STK32B: variants seen among roughly 807,000 people sequenced by gnomAD.
STK32B encodes serine/threonine kinase 32B.
Under a neutral mutation model 52.6 loss-of-function variants are expected in STK32B, and 43 were observed. The observed-to-expected ratio is 0.82, with a 90% confidence interval of 0.64 to 1.05. The LOEUF is 1.05. STK32B is among the 50% of genes least tolerant of loss of function. STK32B has a pLI of 0.00. For missense variants in STK32B, 621 were observed against 534.6 expected (o/e 1.16, Z -1.59); for synonymous variants, 238 against 204.3 (o/e 1.17, Z -1.41).
intron 3 of STK32B, among the ~76,000 whole-genome samples, chr4:5,170,416 G>A (rs187311817): frequency 7.0e-4 from 107 of 152,034 alleles, no homozygotes; most frequent in Admixed American, 1.8e-3. Context: ...CCATTAACTC[G>A]TCATTTAACA....
chr4:5,472,213 G>A (rs1463956248), intron 11 of STK32B, among the ~76,000 whole-genome samples: 1 of 152,214 alleles, frequency 6.6e-6, no homozygotes, highest in Non-Finnish European at 1.5e-5. Flanking sequence ...TTCAGGACTC[G>A]TGTCCTCAGG....
intron 1 of STK32B, among the ~76,000 whole-genome samples, chr4:5,108,428 TA>T (rs1008640821): frequency 6.6e-6 from 1 of 152,220 alleles, no homozygotes; most frequent in African/African-American, 2.4e-5. Context: ...CGCTGTTAAA[TA>T]GTTTTCTAAA....
intron 4 of STK32B, among the ~76,000 whole-genome samples, chr4:5,360,052 C>A (rs1197496180): frequency 1.3e-5 from 2 of 152,116 alleles, no homozygotes. Context: ...AGTGAAGCAG[C>A]CTTTCTACCT....
intron 3 of STK32B, among the ~76,000 whole-genome samples, chr4:5,224,014 C>G (rs1723706368): frequency 6.6e-6 from 1 of 152,124 alleles, no homozygotes; most frequent in African/African-American, 2.4e-5. Context: ...TTCACAGGCT[C>G]ACAGCCAGAG....
chr4:5,442,845 A>T lies in STK32B; in HGVS notation c.563-3828A>T, dbSNP rs914962268. 1.2e-4 allele frequency among the ~76,000 whole-genome samples: 19 copies of T among 152,032 alleles called. 1 individual carries two copies. Among genetic ancestry groups the T allele is most frequent in the Non-Finnish European group, 2.4e-4 (16 of 68,032 alleles). ...CATTTGCTTGTCTGTAAAGGATTTT[A>T]TTTCTCCTTCACTGATGAAGCTTAG... On this transcript the variant is annotated intron_variant, in intron 6 of 11. Coordinates refer to ENST00000282908, the MANE Select transcript of STK32B (RefSeq NM_018401.3).
At chr4:5,368,193 A>G (rs1734999043) in intron 4 of STK32B, among the ~76,000 whole-genome samples, 1 of 152,216 alleles carries the variant, frequency 6.6e-6, no homozygotes, top group Non-Finnish European at 1.5e-5. Flanking sequence ...CCCAATAGTA[A>G]TCACAATGGC....
At chr4:5,478,913 T>A (rs1342546822) in intron 11 of STK32B, among the ~76,000 whole-genome samples, 2 of 152,118 alleles carry the variant, frequency 1.3e-5, no homozygotes, top group African/African-American at 4.8e-5. Context: ...TGATTTCTGC[T>A]GGGGCTTCCC....
At chr4:5,336,288 A>G (rs937765171) in intron 4 of STK32B, among the ~76,000 whole-genome samples, 5 of 151,852 alleles carry the variant, frequency 3.3e-5, no homozygotes, top group African/African-American at 1.2e-4. Context: ...AGATTGTGCC[A>G]TCAAAGGTTT....
chr4:5,437,775 G>C lies in STK32B; in HGVS notation c.563-8898G>C, dbSNP rs150292521. On this transcript the variant is annotated intron_variant, in intron 6 of 11. Transcript: ENST00000282908. ...TTAACATGGCACCTGACAAATCACG[G>C]TTGCTATTGTTCAGATATGTGGTTC... is the stretch of plus-strand genomic sequence containing the variant. 33 of 303,938 alleles carry C rather than the reference G, an allele frequency of 1.1e-4. 1 individual carries two copies. In the East Asian group the frequency reaches 5.7e-3, roughly 53 times the overall value. The allele number at this position is 303,938 out of a possible 1,614,324, so 18.8% of individuals were successfully genotyped here.
chr4:5,363,871 G>A (rs774848196), intron 4 of STK32B, among the ~76,000 whole-genome samples: 135 of 151,982 alleles, frequency 8.9e-4, no homozygotes, highest in Non-Finnish European at 5.3e-4. Flanking sequence ...AATAATCTTA[G>A]TTACCGAGAA....
intron 2 of STK32B, among the ~76,000 whole-genome samples, chr4:5,149,693 T>C (rs1311064094): frequency 6.6e-6 from 1 of 151,846 alleles, no homozygotes; most frequent in Non-Finnish European, 1.5e-5. Context: ...AAATCTCTAA[T>C]ACAATGTTAT....
At position 5,469,112 on chromosome 4, in the gene STK32B, G is replaced by A. The variant is rs1214158152; in HGVS notation, c.1106+1042G>A. 2.0e-5 allele frequency among the ~76,000 whole-genome samples: 3 copies of A among 152,124 alleles called. No homozygotes were observed. Among genetic ancestry groups the A allele is most frequent in the Non-Finnish European group, 4.4e-5 (3 of 68,028 alleles). ...CTGTGGCTGACTTGTCAGAGCTGGG[G>A]CTCCAGCAGGGGCAGCCGATGAGCC... is the stretch of plus-strand genomic sequence containing the variant. On this transcript the variant is annotated intron_variant, in intron 11 of 11. Coordinates refer to ENST00000282908, the MANE Select transcript of STK32B (RefSeq NM_018401.3). This position sits in a 1 kb window ranked among gnomAD's most constrained non-coding sequence, Gnocchi z 4.7.
At chr4:5,230,838 G>C (rs1463825405) in intron 3 of STK32B, among the ~76,000 whole-genome samples, 4 of 152,210 alleles carry the variant, frequency 2.6e-5, no homozygotes, top group African/African-American at 9.6e-5. Flanking sequence ...ACAAGAGGGG[G>C]TAAGAGAGAA....
chr4:5,226,763 A>G (rs1723901037), intron 3 of STK32B, among the ~76,000 whole-genome samples: 1 of 152,240 alleles, frequency 6.6e-6, no homozygotes, highest in African/African-American at 2.4e-5. Context: ...TACTGGTTCT[A>G]ATTTATAATG....
chr4:5,139,900 T>G lies in STK32B; in HGVS notation c.53-5T>G, dbSNP rs1012334821. The G allele has an allele frequency of 6.2e-7, 1 of 1,614,084 alleles. No homozygotes were observed. The highest frequency in any genetic ancestry group is 1.3e-5 in the African/African-American group (1 of 74,934). ...ACTTGTTTCCTTTTTTGTTTTCTTT[T>G]GCAGTCAACTTTGACCATTTTCAGA... On this transcript the variant is annotated splice_polypyrimidine_tract_variant and splice_region_variant and intron_variant, in intron 1 of 11. Transcript: ENST00000282908.
intron 1 of STK32B, among the ~76,000 whole-genome samples, chr4:5,054,624 C>T (rs1226825459): frequency 6.6e-6 from 1 of 152,134 alleles, no homozygotes; most frequent in Non-Finnish European, 1.5e-5. Flanking sequence ...TGGCCGTGGT[C>T]AGGTGTTTGG....
At chr4:5,286,013 C>G (rs1472605783) in intron 3 of STK32B, among the ~76,000 whole-genome samples, 3 of 152,012 alleles carry the variant, frequency 2.0e-5, no homozygotes, top group Admixed American at 1.3e-4. Context: ...CACAGAGACA[C>G]AGAGGGAGGA....
intron 6 of STK32B, among the ~76,000 whole-genome samples, chr4:5,433,704 G>A (rs1312811543): frequency 6.6e-6 from 1 of 152,204 alleles, no homozygotes; most frequent in Non-Finnish European, 1.5e-5. Context: ...TCAGCTCGCA[G>A]GCTAGATGTT....
At chr4:5,090,392 T>C (rs1412984174) in intron 1 of STK32B, among the ~76,000 whole-genome samples, 24 of 107,086 alleles carry the variant, frequency 2.2e-4, no homozygotes, top group South Asian at 6.9e-4. Context: ...TTTTTTTTTT[T>C]CGAGACAGAG....
Sources: allele counts gnomAD v4.1 joint callset (sites outside exome capture counted in the v4.1 genomes callset), GRCh38; gene constraint gnomAD v4.1.1; non-coding constraint Gnocchi (gnomAD v3.1); transcripts MANE v1.5; gene names NCBI Gene and HGNC (gene_info 2026-07-23, HGNC 2026-07-21).